Variants in PPP2R2C observed in about 807,000 individuals in gnomAD.
PPP2R2C encodes the protein protein phosphatase 2 regulatory subunit Bgamma, also known as protein phosphatase 2, regulatory subunit B, gamma.
A neutral mutation model predicts 45.3 loss-of-function variants in PPP2R2C; 10 were observed. The ratio of observed to expected loss-of-function variants is 0.22; its 90% CI spans 0.14 to 0.37. The LOEUF is 0.37. Among genes scored for constraint, PPP2R2C ranks in the 10% least tolerant of loss-of-function variants. The pLI, the probability that PPP2R2C is intolerant of heterozygous loss-of-function variation, is 1.00. For synonymous variants in PPP2R2C, 257 were observed against 245.4 expected (o/e 1.05, Z -0.44); for missense variants, 308 against 619.7 (o/e 0.50, Z 5.34).
chr4:6,327,484 G>T (rs1228824953), intron 8 of PPP2R2C, among the ~76,000 whole-genome samples: 1 of 152,224 alleles, frequency 6.6e-6, no homozygotes, highest in Non-Finnish European at 1.5e-5. Flanking sequence ...GGAAGGACGG[G>T]CAGTGGGTCG....
intron 1 of PPP2R2C, among the ~76,000 whole-genome samples, chr4:6,561,929 A>G (rs1208699577): frequency 6.6e-6 from 1 of 152,200 alleles, no homozygotes; most frequent in Non-Finnish European, 1.5e-5. Context: ...GACAGTCAAC[A>G]ATTCCACACT....
intron 1 of PPP2R2C, among the ~76,000 whole-genome samples, chr4:6,405,137 C>T (rs1239371653): frequency 6.6e-6 from 1 of 152,208 alleles, no homozygotes; most frequent in Non-Finnish European, 1.5e-5. Context: ...TTATATCCAT[C>T]GTCCCCTTTA....
rs1721848850 is a variant in PPP2R2C, at chr4:6,471,043, G to C, written c.70+1117C>G. On this transcript the variant is annotated intron_variant, in intron 1 of 8. Coordinates refer to ENST00000382599, the MANE Select transcript of PPP2R2C (RefSeq NM_020416.4). The surrounding 1 kb of genome is among the most constrained non-coding windows in gnomAD (Gnocchi z 5.6). Reference sequence around the variant, plus strand: ...CATTTCCGGCAGAGCCAGGCTTCGAGGAGGCGGACCCAGCCGCAGGAGCCC... The same window carrying C: ...CATTTCCGGCAGAGCCAGGCTTCGACGAGGCGGACCCAGCCGCAGGAGCCC... Among the ~76,000 whole-genome samples, 1 of 152,084 alleles carries C rather than the reference G, an allele frequency of 6.6e-6. No individual in the cohort carries two copies. The highest frequency in any genetic ancestry group is 2.1e-4 in the South Asian group (1 of 4,836).
At position 6,355,993 on chromosome 4, in the gene PPP2R2C, G is replaced by GAAAA. The variant is rs61011461; in HGVS notation, c.626-7987_626-7984dup. Among the ~76,000 whole-genome samples the GAAAA allele has an allele frequency of 4.4e-4, 43 of 97,868 alleles. 1 individual carries two copies. Among genetic ancestry groups the GAAAA allele is most frequent in the African/African-American group, 1.2e-3 (35 of 28,912 alleles). The allele number at this position is 97,868 out of a possible 152,430, so 64.2% of individuals were successfully genotyped here. ...GGGTGACAGAGTGAGACTCTGCCTG[G>GAAAA]AAAAAAAAAAAAAAAAAAAAAAAGA... On this transcript the variant is annotated intron_variant, in intron 5 of 8. Transcript: ENST00000382599.
At position 6,560,120 on chromosome 4, in the gene PPP2R2C, C is replaced by T. The variant is rs757403193; in HGVS notation, c.-59+3440G>A. On this transcript the variant is annotated intron_variant, in intron 1 of 9. Coordinates refer to the PPP2R2C transcript ENST00000506140. Reference sequence around the variant, plus strand: ...CTGGGGCCCTTGAAGGCTATGCAGGCGTTAGCCAGGCAAGGCAGGGGCAGG... The same window carrying T: ...CTGGGGCCCTTGAAGGCTATGCAGGTGTTAGCCAGGCAAGGCAGGGGCAGG... Among the ~76,000 whole-genome samples, 15 of 152,212 alleles carry T rather than the reference C, an allele frequency of 9.9e-5. 1 individual carries two copies. Among genetic ancestry groups the T allele is most frequent in the Non-Finnish European group, 2.1e-4 (14 of 68,032 alleles).
intron 1 of PPP2R2C, among the ~76,000 whole-genome samples, chr4:6,465,417 C>A (rs1721543139): frequency 6.6e-6 from 1 of 152,106 alleles, no homozygotes; most frequent in Non-Finnish European, 1.5e-5. Context: ...TCACCATTTC[C>A]ACCAATCACG....
intron 1 of PPP2R2C, among the ~76,000 whole-genome samples, chr4:6,407,173 A>C (rs1421408191): frequency 6.6e-6 from 1 of 152,218 alleles, no homozygotes; most frequent in Non-Finnish European, 1.5e-5. Context: ...CTGTTTAAAC[A>C]ACCAAACGTG....
intron 1 of PPP2R2C, among the ~76,000 whole-genome samples, chr4:6,544,173 G>A (rs1263929684): frequency 6.6e-6 from 1 of 152,224 alleles, no homozygotes; most frequent in Non-Finnish European, 1.5e-5. Context: ...AGTGGAGCCT[G>A]GTTCCTGTTG....
intron 5 of PPP2R2C, among the ~76,000 whole-genome samples, chr4:6,362,025 T>G (rs1486848025): frequency 4.1e-5 from 6 of 146,922 alleles, no homozygotes; most frequent in Admixed American, 6.8e-5. Flanking sequence ...ATGTTTGGGG[T>G]GTGTGTGTGT....
At chr4:6,483,748 T>A (rs533043835) in intron 2 of PPP2R2C, among the ~76,000 whole-genome samples, 5 of 152,176 alleles carry the variant, frequency 3.3e-5, no homozygotes, top group South Asian at 4.1e-4. Flanking sequence ...TTCTCTTAAG[T>A]GTCTTTCAAA....
At chr4:6,556,838 A>G (rs2108844471) in intron 1 of PPP2R2C, among the ~76,000 whole-genome samples, 1 of 152,246 alleles carries the variant, frequency 6.6e-6, no homozygotes, top group East Asian at 1.9e-4. Context: ...TTATCACAGA[A>G]GGATGCAGCC....
intron 1 of PPP2R2C, among the ~76,000 whole-genome samples, chr4:6,536,589 C>T (rs1343805016): frequency 6.6e-6 from 1 of 152,228 alleles, no homozygotes; most frequent in East Asian, 1.9e-4. Context: ...GTGGCCCATA[C>T]CCCGCAGGAG....
intron 1 of PPP2R2C, among the ~76,000 whole-genome samples, chr4:6,436,470 C>T (rs891610186): frequency 6.6e-6 from 1 of 152,216 alleles, no homozygotes; most frequent in East Asian, 1.9e-4. Flanking sequence ...AGCTATGGTT[C>T]CATCAAAGAT....
At chr4:6,333,865 C>T (rs1732622531) in intron 6 of PPP2R2C, 134 bp from the exon 7 acceptor site, 1 of 942,614 alleles carries the variant, frequency 1.1e-6, no homozygotes, top group Admixed American at 2.4e-5. Context: ...AAACCTAGAA[C>T]TAAACACTTA....
chr4:6,444,239 AG>A (rs966862277), intron 1 of PPP2R2C, among the ~76,000 whole-genome samples: 51 of 152,334 alleles, frequency 3.3e-4, no homozygotes, highest in African/African-American at 1.2e-3. Flanking sequence ...AAATAGAACA[AG>A]GGTCCTTTGA....
Position 6,444,521 on chromosome 4 carries a change from G to A in PPP2R2C, c.70+27639C>T, listed in dbSNP as rs143646590. Among the ~76,000 whole-genome samples, 814 of 152,256 alleles carry A rather than the reference G, an allele frequency of 5.3e-3. 10 individuals are homozygous for A. Among genetic ancestry groups the A allele is most frequent in the African/African-American group, 0.018 (765 of 41,546 alleles). Reference sequence around the variant, plus strand: ...CACTCTGCCACTCTCCGGGGTCCTCGCACAGCCCAGGTGTAAATCTCCCTG... The same window carrying A: ...CACTCTGCCACTCTCCGGGGTCCTCACACAGCCCAGGTGTAAATCTCCCTG... On this transcript the variant is annotated intron_variant, in intron 1 of 8. Coordinates refer to ENST00000382599, the MANE Select transcript of PPP2R2C (RefSeq NM_020416.4).
intron 1 of PPP2R2C, among the ~76,000 whole-genome samples, chr4:6,389,518 G>A (rs1268607697): frequency 2.0e-5 from 3 of 152,220 alleles, no homozygotes; most frequent in Non-Finnish European, 4.4e-5. Context: ...GGAAATGTCA[G>A]GGAGAGGAAG....
At chr4:6,381,855 C>G (rs1391069051) in intron 1 of PPP2R2C, 2 of 1,613,164 alleles carry the variant, frequency 1.2e-6, no homozygotes, top group African/African-American at 2.7e-5. Context: ...ATCTCCAGGC[C>G]CCACTTTTTG....
At chr4:6,391,040 A>C (rs1490924294) in intron 1 of PPP2R2C, among the ~76,000 whole-genome samples, 1 of 152,146 alleles carries the variant, frequency 6.6e-6, no homozygotes, top group Non-Finnish European at 1.5e-5. Context: ...TGCTTTGGTC[A>C]CTTGGCTGGA....
Sources: gnomAD v4.1 joint callset for allele counts (sites outside exome capture counted in the v4.1 genomes callset) on GRCh38, gnomAD v4.1.1 for gene constraint, Gnocchi (gnomAD v3.1) non-coding constraint, MANE v1.5 for transcripts, NCBI Gene and HGNC (gene_info 2026-07-23, HGNC 2026-07-21) for gene names.